The following ITGA6 variants were observed in gnomAD, a reference collection of about 807,000 sequenced individuals.
ITGA6 encodes integrin alpha-6.
A neutral mutation model predicts 133.6 loss-of-function variants in ITGA6; 63 were observed. That is an observed-to-expected ratio of 0.47 (90% CI 0.38 to 0.58). ITGA6 has a LOEUF of 0.58. Among genes scored for constraint, ITGA6 ranks in the 20% least tolerant of loss-of-function variants. The probability of loss-of-function intolerance (pLI) is 0.00; values close to 1 mark genes in which losing one functional copy is unlikely to be tolerated. For missense variants in ITGA6, 1,068 were observed against 1,309.4 expected (o/e 0.82, Z 2.85); for synonymous variants, 434 against 482.0 (o/e 0.90, Z 1.30).
At chr2:172,454,002 A>G (rs1340815755) in intron 1 of ITGA6, among the ~76,000 whole-genome samples, 2 of 152,070 alleles carry the variant, frequency 1.3e-5, no homozygotes, top group African/African-American at 2.4e-5. Context: ...AACTGTGGCC[A>G]TTGCTGTGCA....
chr2:172,435,027 AGT>A (rs72087668), intron 1 of ITGA6, among the ~76,000 whole-genome samples: 10,114 of 143,654 alleles, frequency 0.07, 366 homozygotes, highest in Middle Eastern at 0.14. Flanking sequence ...GGTGGTTTTA[AGT>A]GTGTGTGTGT....
At chr2:172,457,683 G>C (rs1685266996) in intron 1 of ITGA6, among the ~76,000 whole-genome samples, 1 of 152,204 alleles carries the variant, frequency 6.6e-6, no homozygotes, top group Admixed American at 6.5e-5. Context: ...GGCATACATA[G>C]TATGTGAGGA....
chr2:172,471,358 C>T (rs1192457834), intron 5 of ITGA6, among the ~76,000 whole-genome samples: 1 of 152,198 alleles, frequency 6.6e-6, no homozygotes, highest in African/African-American at 2.4e-5. Flanking sequence ...CATCCGTCCT[C>T]CCTCCTGCTC....
At chr2:172,457,947 A>C (rs1275265071) in intron 1 of ITGA6, among the ~76,000 whole-genome samples, 3 of 152,166 alleles carry the variant, frequency 2.0e-5, no homozygotes, top group Non-Finnish European at 4.4e-5. Context: ...GGAAGGAGCC[A>C]AGTCTAGAGT....
intron 1 of ITGA6, among the ~76,000 whole-genome samples, chr2:172,440,266 G>A (rs1431825721): frequency 6.6e-6 from 1 of 152,074 alleles, no homozygotes; most frequent in Non-Finnish European, 1.5e-5. Flanking sequence ...ACATAGAAAT[G>A]GATATTCAGT....
At chr2:172,497,350 T>G (rs144750135) in intron 23 of ITGA6, among the ~76,000 whole-genome samples, 1 of 151,958 alleles carries the variant, frequency 6.6e-6, no homozygotes, top group African/African-American at 2.4e-5. Flanking sequence ...TTAAAAAAAT[T>G]AGCTGTGAGT....
intron 2 of ITGA6, chr2:172,465,943 T>C (rs1409389712): frequency 9.5e-6 from 5 of 523,930 alleles, no homozygotes; most frequent in Non-Finnish European, 1.7e-5. Flanking sequence ...CTGCAGGAGG[T>C]TGTGGAAAAA....
At chr2:172,455,160 G>A (rs928012325) in intron 1 of ITGA6, among the ~76,000 whole-genome samples, 3 of 152,176 alleles carry the variant, frequency 2.0e-5, no homozygotes, top group Admixed American at 1.3e-4. Flanking sequence ...AAGCCACTAA[G>A]TTTGCGGCCA....
intron 13 of ITGA6, among the ~76,000 whole-genome samples, chr2:172,486,586 G>A (rs1686688917): frequency 6.6e-6 from 1 of 152,110 alleles, no homozygotes; most frequent in South Asian, 2.1e-4. Context: ...AGGATTAAAT[G>A]AGTTAAGATA....
At chr2:172,498,159 G>T in intron 24 of ITGA6, 59 bp downstream of exon 24, 1 of 1,527,346 alleles carries the variant, frequency 6.5e-7, no homozygotes, top group South Asian at 1.1e-5. Flanking sequence ...TTTAAAAAAT[G>T]GGAATCAGCA....
At chr2:172,469,022 C>A in intron 3 of ITGA6, 103 bp from the exon 4 acceptor site, 1 of 1,246,718 alleles carries the variant, frequency 8.0e-7, no homozygotes, top group Non-Finnish European at 1.2e-6. Flanking sequence ...CTTAATCATC[C>A]TCTTTAGAAT....
intron 1 of ITGA6, chr2:172,465,133 T>G: frequency 3.6e-6 from 1 of 279,954 alleles, no homozygotes; most frequent in South Asian, 3.8e-5. Flanking sequence ...GCTTATTACA[T>G]TTAGTGTGGC....
At position 172,491,665 on chromosome 2, in the gene ITGA6, CT is replaced by C. The variant is rs1686936195; in HGVS notation, c.2988+143del. ...AGAAAACTGTCTTAAGGTACTGGCA[CT>C]GCAAGCTGTATTTTAATAGAATCAT... On this transcript the variant is annotated intron_variant, in intron 23 of 25. Transcript: ENST00000684293. The surrounding 1 kb of genome is among the most constrained non-coding windows in gnomAD (Gnocchi z 4.4). 1 of 697,382 alleles carries C rather than the reference CT, an allele frequency of 1.4e-6. No homozygotes were observed. The highest frequency in any genetic ancestry group is 2.0e-5 in the Admixed American group (1 of 48,834). The allele number at this position is 697,382 out of a possible 1,614,324, so 43.2% of individuals were successfully genotyped here. A position where few individuals can be genotyped will look rare whatever the true frequency, so the allele number is the denominator to read the frequency against.
chr2:172,476,517 T>A lies in ITGA6; in HGVS notation c.1388+4T>A, dbSNP rs753225517. On this transcript the variant is annotated splice_donor_region_variant and intron_variant, in intron 9 of 25. Coordinates refer to ENST00000684293, the MANE Select transcript of ITGA6 (RefSeq NM_000210.4). The stretch of plus-strand genomic sequence containing the variant: ...CAGATTCAGTAACTATTTTCAGGTC[T>A]GTTATCTATGATTTTAGTGTTAAGC... 2 of 1,466,682 alleles carry A rather than the reference T, an allele frequency of 1.4e-6. No homozygotes were observed. Among genetic ancestry groups the A allele is most frequent in the African/African-American group, 2.8e-5 (2 of 71,932 alleles). 90.9% of individuals were successfully genotyped at this position (1,466,682 alleles called of 1,614,324 possible). A position where few individuals can be genotyped will look rare whatever the true frequency, so the allele number is the denominator to read the frequency against.
chr2:172,472,874 G>T (rs1161621418), intron 5 of ITGA6: 1 of 1,601,636 alleles, frequency 6.2e-7, no homozygotes, highest in Admixed American at 1.7e-5. Context: ...CTGATGTGAT[G>T]ATGAATAGCT....
chr2:172,433,902 C>T (rs148452555), intron 1 of ITGA6, among the ~76,000 whole-genome samples: 146 of 152,150 alleles, frequency 9.6e-4, no homozygotes, highest in Middle Eastern at 3.4e-3. Context: ...ATAGACATGA[C>T]GGGGCAGTGA....
chr2:172,428,977 T>C (rs1683999010), intron 1 of ITGA6, among the ~76,000 whole-genome samples: 1 of 152,076 alleles, frequency 6.6e-6, no homozygotes, highest in Admixed American at 6.5e-5. Context: ...ACAAAAGGTC[T>C]CCCCTCCCCA....
At position 172,497,978 on chromosome 2, in the gene ITGA6, C is replaced by T. The variant is rs763401432; in HGVS notation, c.2992C>T (p.Arg998Ter). ...TGCTTTCTTTTCTGCCCTGTAGGTT[C>T]GAGTGACTGTGTTTCCCTCAAAGAC... The part of the protein sequence containing the change: ...IRLPNAGTQV[R>*]VTVFPSKTVA... Residue 998 changes from arginine (R) to a stop codon, truncating the protein, a stop_gained, in exon 24 of 26, where the codon CGA becomes TGA. Transcript: ENST00000684293. LOFTEE classifies it high-confidence loss of function. 3.1e-6 allele frequency: 5 copies of T among 1,613,868 alleles called. No individual in the cohort carries two copies. Among genetic ancestry groups the T allele is most frequent in the South Asian group, 2.2e-5 (2 of 91,064 alleles).
At chr2:172,428,911 T>A (rs1385361839) in intron 1 of ITGA6, among the ~76,000 whole-genome samples, 2 of 152,248 alleles carry the variant, frequency 1.3e-5, no homozygotes, top group Admixed American at 1.3e-4. Context: ...CTTAGTCGCC[T>A]TAATCGCTAT....
Sources: gnomAD v4.1 joint callset for allele counts (sites outside exome capture counted in the v4.1 genomes callset) on GRCh38, gnomAD v4.1.1 for gene constraint, Gnocchi (gnomAD v3.1) non-coding constraint, MANE v1.5 for transcripts, NCBI Gene and HGNC (gene_info 2026-07-23, HGNC 2026-07-21) for gene names.